TTC17: variants seen among roughly 807,000 people sequenced by gnomAD.
TTC17 encodes the protein tetratricopeptide repeat domain 17, also known as tetratricopeptide repeat protein 17.
Under a neutral mutation model 143.8 loss-of-function variants are expected in TTC17, and 58 were observed. That is an observed-to-expected ratio of 0.40 (90% CI 0.33 to 0.50). The LOEUF (loss-of-function observed/expected upper bound fraction) is 0.50, where lower values mean the gene tolerates loss of function less well. Among genes scored for constraint, TTC17 ranks in the 20% least tolerant of loss-of-function variants. The pLI is 0.49. For synonymous variants in TTC17, 501 were observed against 497.8 expected (o/e 1.01, Z -0.09); for missense variants, 1,273 against 1,392.5 (o/e 0.91, Z 1.37).
At position 43,404,127 on chromosome 11, in the gene TTC17, G is replaced by A. The variant is rs1241291000; in HGVS notation, c.1462G>A (p.Asp488Asn). The A allele has an allele frequency of 6.2e-7, 1 of 1,611,962 alleles. No individual in the cohort carries two copies. The highest frequency in any genetic ancestry group is 2.2e-5 in the East Asian group (1 of 44,864). The part of the protein sequence containing the change: ...AHSILWIWGR[D>N]SDAYRDKQHI... ...TTCTATTCTCTGGATTTGGGGCAGG[G>A]ACTCTGATGCATATAGGGTAAGTTA... The change falls in exon 11 of 24, where the codon GAC (aspartate) becomes AAC (asparagine). Residue 488 changes from aspartate (D) to asparagine (N), a missense_variant. Physicochemically the swap from Asp to Asn is conservative, Grantham distance 23. Transcript: ENST00000039989.
rs1324019494 is a variant in TTC17, at chr11:43,405,554, C to G, written c.1520C>G (p.Thr507Arg). ...CTATGGCCTAAAAGAGCAGATTGTA[C>G]AGAAAGCTACCCTAGAGTCCCTGTT... is the stretch of plus-strand genomic sequence containing the variant. ...HILWPKRADCTESYPRVPVGG... is the reference protein window; with the variant it reads ...HILWPKRADCRESYPRVPVGG... The change falls in exon 12 of 24, where the codon ACA becomes AGA. Residue 507 changes from threonine (T) to arginine (R), a missense_variant. This residue lies in a region of TTC17 where 878 missense variants were observed against 899.8 expected (regional missense o/e 0.98). Transcript: ENST00000039989. 8 of 1,613,906 alleles carry G rather than the reference C, an allele frequency of 5.0e-6. No individual in the cohort carries two copies. Among genetic ancestry groups the G allele is most frequent in the Non-Finnish European group, 6.8e-6 (8 of 1,179,856 alleles).
chr11:43,413,477 G>A (rs953717727), intron 15 of TTC17, among the ~76,000 whole-genome samples: 4 of 152,018 alleles, frequency 2.6e-5, no homozygotes, highest in African/African-American at 4.8e-5. Context: ...ATGATAAGCT[G>A]AACTTCATTG....
chr11:43,415,115 A>G (rs1481695765), intron 16 of TTC17, among the ~76,000 whole-genome samples: 4 of 152,140 alleles, frequency 2.6e-5, no homozygotes, highest in African/African-American at 2.4e-5. Context: ...TTTTCTGTCC[A>G]TGAAGTCAAA....
intron 1 of TTC17, among the ~76,000 whole-genome samples, chr11:43,371,312 A>G (rs1310089816): frequency 6.6e-6 from 1 of 151,450 alleles, no homozygotes; most frequent in Non-Finnish European, 1.5e-5. Flanking sequence ...GTGCCACAAG[A>G]CTCCTCCCAC....
chr11:43,486,002 C>T (rs1274643132), intron 21 of TTC17, among the ~76,000 whole-genome samples: 1 of 149,966 alleles, frequency 6.7e-6, no homozygotes, highest in Non-Finnish European at 1.5e-5. Flanking sequence ...TGCCCATCTA[C>T]AGAAAATGGA....
intron 21 of TTC17, among the ~76,000 whole-genome samples, chr11:43,476,918 CAT>C (rs1396981906): frequency 1.3e-5 from 2 of 152,202 alleles, no homozygotes; most frequent in African/African-American, 4.8e-5. Flanking sequence ...TTTTCTATCG[CAT>C]AGTCAGGCTG....
chr11:43,421,583 A>T (rs1223419594), intron 16 of TTC17, among the ~76,000 whole-genome samples: 1 of 152,140 alleles, frequency 6.6e-6, no homozygotes, highest in East Asian at 1.9e-4. Flanking sequence ...TTAGATTCTC[A>T]TAGGAGCATG....
rs540881367 is a variant in TTC17, at chr11:43,362,235, G to T, written c.159+3122G>T. On this transcript the variant is annotated intron_variant, in intron 1 of 23. Coordinates refer to ENST00000039989, the MANE Select transcript of TTC17 (RefSeq NM_018259.6). ...AGGGTTTTACCATACTGGACAGGCT[G>T]GTCTCAAACTCCAAACCTTGTGATC... Among the ~76,000 whole-genome samples, 8 of 151,318 alleles carry T rather than the reference G, an allele frequency of 5.3e-5. No individual in the cohort carries two copies. In the East Asian group the frequency reaches 1.6e-3, roughly 30 times the overall value.
intron 5 of TTC17, 61 bp downstream of exon 5, chr11:43,392,013 A>G: frequency 2.0e-6 from 3 of 1,520,962 alleles, no homozygotes. Flanking sequence ...TGTAAACAGA[A>G]GATATTTTTA....
At chr11:43,362,859 C>T (rs1856174012) in intron 1 of TTC17, among the ~76,000 whole-genome samples, 1 of 152,158 alleles carries the variant, frequency 6.6e-6, no homozygotes, top group South Asian at 2.1e-4. Flanking sequence ...AAATATGGTC[C>T]AGGGAATCCT....
At chr11:43,413,561 T>C (rs912454717) in intron 15 of TTC17, among the ~76,000 whole-genome samples, 1 of 152,026 alleles carries the variant, frequency 6.6e-6, no homozygotes, top group African/African-American at 2.4e-5. Flanking sequence ...GAGAAGATTT[T>C]TGCAATAAAT....
intron 16 of TTC17, among the ~76,000 whole-genome samples, chr11:43,430,282 G>A (rs1421025667): frequency 6.6e-6 from 1 of 152,102 alleles, no homozygotes; most frequent in Non-Finnish European, 1.5e-5. Context: ...ACAAAAATTA[G>A]CCAGGTGTGG....
At chr11:43,492,630 T>A (rs373558472) in intron 23 of TTC17, among the ~76,000 whole-genome samples, 1 of 152,222 alleles carries the variant, frequency 6.6e-6, no homozygotes, top group Non-Finnish European at 1.5e-5. Flanking sequence ...TACGGGCTCA[T>A]TGGGGACAAG....
chr11:43,390,772 A>G (rs1258025698), intron 3 of TTC17, among the ~76,000 whole-genome samples: 3 of 152,164 alleles, frequency 2.0e-5, no homozygotes, highest in South Asian at 4.1e-4. Context: ...GAAATTATCA[A>G]AAAAGTACAA....
At chr11:43,437,927 C>A (rs1470511643) in intron 16 of TTC17, among the ~76,000 whole-genome samples, 3 of 152,198 alleles carry the variant, frequency 2.0e-5, no homozygotes, top group African/African-American at 7.2e-5. Flanking sequence ...CTGGTGGCAA[C>A]AAATACTTAT....
chr11:43,461,541 A>G (rs1299095137), intron 21 of TTC17, among the ~76,000 whole-genome samples: 1 of 152,216 alleles, frequency 6.6e-6, no homozygotes, highest in Non-Finnish European at 1.5e-5. Context: ...AAACAAACAA[A>G]AACAGAGACA....
intron 1 of TTC17, among the ~76,000 whole-genome samples, chr11:43,377,378 C>CATTTACATATAACATTACATATATATT (rs1386649191): frequency 3.9e-5 from 6 of 152,114 alleles, no homozygotes; most frequent in Admixed American, 3.9e-4. Flanking sequence ...TGGCATATAA[C>CATTTACATATAACATTACATATATATT]TGTATTTACA....
At chr11:43,448,195 C>G in intron 19 of TTC17, 73 bp downstream of exon 19, 1 of 1,569,376 alleles carries the variant, frequency 6.4e-7, no homozygotes, top group South Asian at 1.2e-5. Context: ...TAAGGATCCC[C>G]TCTTAGCAGC....
chr11:43,391,632 G>A, intron 4 of TTC17, 56 bp downstream of exon 4: 1 of 1,235,244 alleles, frequency 8.1e-7, no homozygotes, highest in South Asian at 1.5e-5. Context: ...TCTTTCAGTT[G>A]GTCTCTCACT....
Sources: gnomAD v4.1 joint callset for allele counts (sites outside exome capture counted in the v4.1 genomes callset) on GRCh38, gnomAD v4.1.1 for gene constraint, gnomAD v4.1.1 regional missense constraint, MANE v1.5 for transcripts, NCBI Gene and HGNC (gene_info 2026-07-23, HGNC 2026-07-21) for gene names.